Variants in PTPRE observed in about 807,000 individuals in gnomAD.
PTPRE encodes receptor-type tyrosine-protein phosphatase epsilon.
In PTPRE, 51 loss-of-function variants were observed where a neutral mutation model predicts 102.0. The ratio of observed to expected loss-of-function variants is 0.50; its 90% CI spans 0.40 to 0.63. The LOEUF (loss-of-function observed/expected upper bound fraction) is 0.63, where lower values mean the gene tolerates loss of function less well. Among genes scored for constraint, PTPRE ranks in the 30% least tolerant of loss-of-function variants. PTPRE has a pLI of 0.00. For missense variants in PTPRE, 752 were observed against 915.1 expected, an observed-to-expected ratio of 0.82 and a Z score of 2.30; for synonymous variants, 345 against 348.2, an observed-to-expected ratio of 0.99 and a Z score of 0.10.
intron 1 of PTPRE, among the ~76,000 whole-genome samples, chr10:127,980,863 A>G (rs916348505): frequency 3.7e-4 from 57 of 152,232 alleles, no homozygotes; most frequent in African/African-American, 1.2e-3. Flanking sequence ...CAAGTAGTCT[A>G]TTTTAGTGGA....
At chr10:127,943,398 C>T (rs1848390462) in intron 1 of PTPRE, among the ~76,000 whole-genome samples, 1 of 152,182 alleles carries the variant, frequency 6.6e-6, no homozygotes, top group African/African-American at 2.4e-5. Flanking sequence ...TCTCTGCCAC[C>T]AGCCTGGAAG....
At chr10:128,080,506 C>T (rs1371201102) in intron 20 of PTPRE, among the ~76,000 whole-genome samples, 6 of 152,338 alleles carry the variant, frequency 3.9e-5, no homozygotes, top group East Asian at 1.9e-4. Context: ...CCACACCCAA[C>T]GACCTACAGC....
chr10:127,909,705 C>A (rs1040657013), intron 1 of PTPRE, among the ~76,000 whole-genome samples: 1 of 152,214 alleles, frequency 6.6e-6, no homozygotes, highest in Non-Finnish European at 1.5e-5. Context: ...TACTGTATCT[C>A]CAGTGCCCAG....
At chr10:127,939,485 C>CTAA (rs1564812120) in intron 1 of PTPRE, among the ~76,000 whole-genome samples, 2 of 152,188 alleles carry the variant, frequency 1.3e-5, no homozygotes, top group Non-Finnish European at 2.9e-5. Context: ...ACACAGGATT[C>CTAA]TTCACTGTCG....
intron 1 of PTPRE, among the ~76,000 whole-genome samples, chr10:127,941,695 A>G (rs1418746537): frequency 6.6e-6 from 1 of 152,138 alleles, no homozygotes; most frequent in Non-Finnish European, 1.5e-5. Context: ...AGAAATAACC[A>G]TTCTTGGTTT....
chr10:127,964,166 G>T (rs1564832549), intron 1 of PTPRE, among the ~76,000 whole-genome samples: 4 of 151,898 alleles, frequency 2.6e-5, no homozygotes, highest in African/African-American at 7.3e-5. Flanking sequence ...TTTATTTATT[G>T]TTTATTTATT....
rs929017926 is a variant in PTPRE at position 127,907,980 on chromosome 10, A to AAG, written c.-31+671_-31+672insAG. Among the ~76,000 whole-genome samples, 1 of 152,144 alleles carries AAG rather than the reference A, an allele frequency of 6.6e-6. No individual in the cohort carries two copies. The highest frequency in any genetic ancestry group is 2.4e-5 in the African/African-American group (1 of 41,448). ...GAGCACAGATGCGAGCGCGGTGCCA[A>AAG]TTCTGAGAGCTCCCGGGACCATCTG... is the stretch of plus-strand genomic sequence containing the variant. On this transcript the variant is annotated intron_variant, in intron 1 of 20. Transcript: ENST00000254667. The surrounding 1 kb of genome is among the most constrained non-coding windows in gnomAD (Gnocchi z 4.8).
In PTPRE at chr10:128,068,158, C is replaced by G; in HGVS notation, c.879C>G (p.Val293=). Residue 293 remains valine, a synonymous_variant, in exon 12 of 21, where the codon GTC becomes GTG. Transcript: ENST00000254667. ...ACGGCTGCAAAGCCCCCAGGCTGGT[C>G]TCACAGCTGCACTTCACCAGCTGGC... ...LPDGCKAPRL[V]SQLHFTSWPD... The G allele has an allele frequency of 6.2e-7, 1 of 1,614,040 alleles. No homozygotes were observed. The highest frequency in any genetic ancestry group is 8.5e-7 in the Non-Finnish European group (1 of 1,179,934).
intron 3 of PTPRE, among the ~76,000 whole-genome samples, chr10:128,046,293 C>T (rs1848083272): frequency 2.0e-5 from 3 of 152,200 alleles, no homozygotes; most frequent in South Asian, 4.1e-4. Context: ...CTGCGGAGCC[C>T]TCCCAGTGCC....
At chr10:128,062,953 G>T (rs1440163361) in intron 9 of PTPRE, 130 bp from the exon 10 acceptor site, 14 of 1,469,390 alleles carry the variant, frequency 9.5e-6, no homozygotes, top group African/African-American at 1.4e-5. Flanking sequence ...GGCATGACGT[G>T]TGTGTCCCCA....
intron 1 of PTPRE, among the ~76,000 whole-genome samples, chr10:127,943,703 A>T (rs1483337379): frequency 6.6e-6 from 1 of 152,234 alleles, no homozygotes; most frequent in Non-Finnish European, 1.5e-5. Flanking sequence ...AGACTCAGCC[A>T]CTTTATTCTG....
intron 1 of PTPRE, among the ~76,000 whole-genome samples, chr10:127,922,497 C>A (rs1846677476): frequency 6.6e-6 from 1 of 152,210 alleles, no homozygotes; most frequent in African/African-American, 2.4e-5. Context: ...GAGAAGGCCT[C>A]ATGCCAGGAG....
chr10:128,012,338 C>T (rs928655046), intron 2 of PTPRE, among the ~76,000 whole-genome samples: 1 of 152,186 alleles, frequency 6.6e-6, no homozygotes, highest in Non-Finnish European at 1.5e-5. Context: ...ACTCAAGAGT[C>T]CAGCAACTTC....
chr10:127,988,388 C>T (rs1852302215), intron 2 of PTPRE, among the ~76,000 whole-genome samples: 1 of 142,496 alleles, frequency 7.0e-6, no homozygotes, highest in Non-Finnish European at 1.5e-5. Context: ...TCTTCGCAAA[C>T]TTTGCCTCCA....
At chr10:127,992,435 A>G (rs1397528696) in intron 2 of PTPRE, among the ~76,000 whole-genome samples, 1 of 152,158 alleles carries the variant, frequency 6.6e-6, no homozygotes, top group Non-Finnish European at 1.5e-5. Flanking sequence ...GCACACTGAA[A>G]ATACAAAGGG....
Position 128,049,565 on chromosome 10 carries a change from T to G in PTPRE, c.319T>G (p.Ser107Ala). 1 of 1,613,994 alleles carries G rather than the reference T, an allele frequency of 6.2e-7. No individual in the cohort carries two copies. The highest frequency in any genetic ancestry group is 8.5e-7 in the Non-Finnish European group (1 of 1,180,018). Reference protein sequence around the residue: ...QRVMLLSRSPSGPKKYFPIPV... With the variant: ...QRVMLLSRSPAGPKKYFPIPV... ...GGTGATGCTGCTCAGCAGGTCACCCTCAGGGCCCAAGAAGTATTTTCCCAT... is the reference window on the plus strand; with the variant it reads ...GGTGATGCTGCTCAGCAGGTCACCCGCAGGGCCCAAGAAGTATTTTCCCAT... Residue 107 changes from serine (S) to alanine (A), a missense_variant, in exon 6 of 21, where the codon TCA (serine) becomes GCA (alanine). Physicochemically the swap from Ser to Ala is moderately conservative, Grantham distance 99. Transcript: ENST00000254667.
chr10:127,920,691 G>T (rs1048748400), intron 1 of PTPRE, among the ~76,000 whole-genome samples: 1 of 152,190 alleles, frequency 6.6e-6, no homozygotes, highest in African/African-American at 2.4e-5. Context: ...GGGAGGTTGG[G>T]TTCCGTATCA....
chr10:128,002,388 G>A (rs1297340337), intron 2 of PTPRE, among the ~76,000 whole-genome samples: 1 of 152,162 alleles, frequency 6.6e-6, no homozygotes, highest in African/African-American at 2.4e-5. Context: ...GAGGGGGCAG[G>A]GAAGACACTG....
chr10:128,037,110 C>T (rs946487463), intron 2 of PTPRE, among the ~76,000 whole-genome samples: 27 of 152,182 alleles, frequency 1.8e-4, no homozygotes, highest in African/African-American at 6.5e-4. Context: ...TCCTTAGTGC[C>T]CCCAGGAGAC....
Sources: gnomAD v4.1 joint callset for allele counts (sites outside exome capture counted in the v4.1 genomes callset) on GRCh38, gnomAD v4.1.1 for gene constraint, Gnocchi (gnomAD v3.1) non-coding constraint, MANE v1.5 for transcripts, NCBI Gene and HGNC (gene_info 2026-07-23, HGNC 2026-07-21) for gene names.